The following TBXAS1 variants were observed in gnomAD, a reference collection of about 807,000 sequenced individuals.
The protein encoded by TBXAS1 is thromboxane-A synthase.
TBXAS1 carries 48 observed loss-of-function variants against 60.7 expected under a neutral mutation model. The ratio of observed to expected loss-of-function variants is 0.79; its 90% confidence interval spans 0.63 to 1.01. The LOEUF (loss-of-function observed/expected upper bound fraction) is 1.01. TBXAS1 is among the 50% of genes least tolerant of loss of function. The pLI is 0.00. For synonymous variants in TBXAS1, 287 were observed against 269.7 expected (o/e 1.06, Z -0.63); for missense variants, 685 against 686.3 (o/e 1.00, Z 0.02).
At chr7:139,869,064 G>A (rs1308046842) in intron 1 of TBXAS1, among the ~76,000 whole-genome samples, 1 of 152,128 alleles carries the variant, frequency 6.6e-6, no homozygotes, top group Non-Finnish European at 1.5e-5. Flanking sequence ...CTTCCAAAGT[G>A]CTAGGTTTAT....
intron 1 of TBXAS1, among the ~76,000 whole-genome samples, chr7:139,829,694 A>G (rs1055161267): frequency 1.3e-5 from 2 of 152,234 alleles, no homozygotes; most frequent in Non-Finnish European, 2.9e-5. Flanking sequence ...CTGGTGATTC[A>G]GTGACTGAGA....
At chr7:139,910,399 G>A (rs1805423250) in intron 3 of TBXAS1, among the ~76,000 whole-genome samples, 1 of 152,144 alleles carries the variant, frequency 6.6e-6, no homozygotes, top group Non-Finnish European at 1.5e-5. Flanking sequence ...CACTTTGGGA[G>A]GCCGAGGTGG....
chr7:139,796,831 G>A (rs1394071304), intron 4 of TBXAS1, among the ~76,000 whole-genome samples: 4 of 152,202 alleles, frequency 2.6e-5, no homozygotes, highest in African/African-American at 9.7e-5. Flanking sequence ...AAGAAGAGAA[G>A]TTTCCGATTT....
intron 1 of TBXAS1, among the ~76,000 whole-genome samples, chr7:139,838,362 T>G (rs1206921472): frequency 6.6e-6 from 1 of 152,224 alleles, no homozygotes; most frequent in East Asian, 1.9e-4. Context: ...GCCTAACAAA[T>G]GCTGACTGAA....
chr7:139,983,498 G>A (rs1400776511), intron 9 of TBXAS1, among the ~76,000 whole-genome samples: 1 of 152,142 alleles, frequency 6.6e-6, no homozygotes, highest in Non-Finnish European at 1.5e-5. Flanking sequence ...CAGTCTTCTT[G>A]CTGTGTCTCT....
intron 2 of TBXAS1, among the ~76,000 whole-genome samples, chr7:139,874,671 A>C (rs747893058): frequency 1.6e-4 from 25 of 151,816 alleles, no homozygotes; most frequent in Non-Finnish European, 3.2e-4. Context: ...TCACAACACA[A>C]ATCTACCATT....
chr7:139,846,203 C>T (rs1232608256), intron 1 of TBXAS1, among the ~76,000 whole-genome samples: 2 of 152,176 alleles, frequency 1.3e-5, no homozygotes, highest in Non-Finnish European at 2.9e-5. Flanking sequence ...AAACTACTCC[C>T]GAGCACTTCG....
intron 1 of TBXAS1, among the ~76,000 whole-genome samples, chr7:139,779,466 T>C (rs976460626): frequency 6.6e-6 from 1 of 152,234 alleles, no homozygotes; most frequent in African/African-American, 2.4e-5. Context: ...TCAGAGGTCA[T>C]CTGGGCCAGC....
At chr7:139,996,459 C>T (rs539952639) in intron 9 of TBXAS1, among the ~76,000 whole-genome samples, 1 of 152,290 alleles carries the variant, frequency 6.6e-6, no homozygotes, top group East Asian at 1.9e-4. Context: ...TACCATCTCC[C>T]CACTTCTACG....
intron 1 of TBXAS1, among the ~76,000 whole-genome samples, chr7:139,858,408 TC>T (rs1800731381): frequency 6.6e-6 from 1 of 152,168 alleles, no homozygotes; most frequent in African/African-American, 2.4e-5. Context: ...TCAACAAATA[TC>T]CAATAGTCAG....
chr7:139,851,131 C>A (rs1356737210), intron 1 of TBXAS1, among the ~76,000 whole-genome samples: 1 of 152,210 alleles, frequency 6.6e-6, no homozygotes, highest in African/African-American at 2.4e-5. Context: ...ACCCTCAAAT[C>A]TTTTTCTTGA....
At chr7:139,954,549 T>C (rs994850132) in intron 6 of TBXAS1, among the ~76,000 whole-genome samples, 3 of 152,244 alleles carry the variant, frequency 2.0e-5, no homozygotes, top group South Asian at 2.1e-4. Flanking sequence ...GATAAGTTAG[T>C]GGTTATAGAA....
At chr7:139,793,712 T>C (rs575420082) in intron 4 of TBXAS1, among the ~76,000 whole-genome samples, 3 of 152,310 alleles carry the variant, frequency 2.0e-5, no homozygotes, top group South Asian at 4.1e-4. Context: ...AGGAAACATA[T>C]TTCATATGAG....
intron 8 of TBXAS1, among the ~76,000 whole-genome samples, chr7:139,958,671 G>A (rs1047286764): frequency 4.6e-5 from 7 of 152,178 alleles, no homozygotes; most frequent in Non-Finnish European, 5.9e-5. Flanking sequence ...TTGATACACC[G>A]AGCGGCCTTG....
intron 3 of TBXAS1, among the ~76,000 whole-genome samples, chr7:139,910,991 G>A (rs1360950829): frequency 6.6e-6 from 1 of 152,174 alleles, no homozygotes; most frequent in Non-Finnish European, 1.5e-5. Flanking sequence ...TCAACCCAGA[G>A]TCTCCAGGGA....
intron 3 of TBXAS1, among the ~76,000 whole-genome samples, chr7:139,900,801 G>T (rs750075703): frequency 3.1e-4 from 47 of 152,196 alleles, no homozygotes; most frequent in Non-Finnish European, 4.6e-4. Context: ...TATATTCTCA[G>T]TTTAGCAGCT....
chr7:139,862,514 A>G (rs1354654260), intron 1 of TBXAS1, among the ~76,000 whole-genome samples: 1 of 152,206 alleles, frequency 6.6e-6, no homozygotes, highest in African/African-American at 2.4e-5. Context: ...CTAAGGGCAC[A>G]GAAGGGGAGG....
intron 4 of TBXAS1, among the ~76,000 whole-genome samples, chr7:139,929,481 C>T (rs1400561608): frequency 6.6e-6 from 1 of 151,944 alleles, no homozygotes; most frequent in Non-Finnish European, 1.5e-5. Context: ...CAGGGTGGAG[C>T]AGGTGATTGG....
At chr7:139,956,463 T>C (rs1346975014) in intron 7 of TBXAS1, among the ~76,000 whole-genome samples, 1 of 152,252 alleles carries the variant, frequency 6.6e-6, no homozygotes, top group Non-Finnish European at 1.5e-5. Context: ...ATTTTTATTG[T>C]AGAAGTGAGA....
Sources: gnomAD v4.1 joint callset for allele counts (sites outside exome capture counted in the v4.1 genomes callset) on GRCh38, gnomAD v4.1.1 for gene constraint, MANE v1.5 for transcripts, NCBI Gene and HGNC (gene_info 2026-07-23, HGNC 2026-07-21) for gene names.